Variants in SCP2 observed in about 807,000 individuals in gnomAD.
SCP2 encodes the protein sterol carrier protein 2, also known as SCP-2/3-oxoacyl-CoA thiolase.
In SCP2, 48 loss-of-function variants were observed where a neutral mutation model predicts 71.4. That is an observed-to-expected ratio of 0.67 (90% CI 0.53 to 0.86). The LOEUF is 0.86. SCP2 is among the 40% of genes least tolerant of loss of function. The probability of loss-of-function intolerance (pLI) is 0.00; values close to 1 mark genes in which losing one functional copy is unlikely to be tolerated. For missense variants in SCP2, 560 were observed against 655.6 expected, an observed-to-expected ratio of 0.85 and a Z score of 1.59; for synonymous variants, 220 against 218.1, an observed-to-expected ratio of 1.01 and a Z score of -0.08.
intron 14 of SCP2, among the ~76,000 whole-genome samples, 198 bp downstream of exon 14, chr1:53,039,244 T>C (rs1296520169): frequency 6.6e-6 from 1 of 152,204 alleles, no homozygotes; most frequent in Non-Finnish European, 1.5e-5. Context: ...GAGTTGCCAA[T>C]CTTAGGCTTT....
chr1:53,007,987 A>C (rs1660738558), intron 11 of SCP2, among the ~76,000 whole-genome samples: 1 of 152,206 alleles, frequency 6.6e-6, no homozygotes, highest in African/African-American at 2.4e-5. Context: ...ACCATCAGAT[A>C]ATACTATAAA....
chr1:53,028,161 T>G, intron 13 of SCP2, 90 bp downstream of exon 13: 1 of 721,010 alleles, frequency 1.4e-6, no homozygotes, highest in Non-Finnish European at 2.5e-6. Context: ...GTGGTACAAT[T>G]GAAAATTTAT....
At position 52,976,725 on chromosome 1, in the gene SCP2, G is replaced by A. The variant is rs749437401; in HGVS notation, c.630G>A (p.Met210Ile). 4 of 1,567,174 alleles carry A rather than the reference G, an allele frequency of 2.6e-6. No homozygotes were observed. The South Asian group carries it at 3.3e-5, about 13-fold the overall frequency. ...ATGAATACAGTTTAGATGAAGTGAT[G>A]GCATCTAAAGAAGTTTTTGATTTTT... ...FQDEYSLDEV[M>I]ASKEVFDFLT... Residue 210 changes from methionine (M) to isoleucine (I), a missense_variant, in exon 8 of 16, where the codon ATG becomes ATA. This residue lies in a region of SCP2 where 513 missense variants were observed against 573.1 expected (regional missense o/e 0.90). Transcript: ENST00000371514.
At chr1:52,939,618 G>C (rs963725213) in intron 1 of SCP2, among the ~76,000 whole-genome samples, 7 of 152,112 alleles carry the variant, frequency 4.6e-5, no homozygotes, top group Admixed American at 4.6e-4. Context: ...AACTCCTTTG[G>C]GTAAATGCCA....
intron 6 of SCP2, among the ~76,000 whole-genome samples, chr1:52,970,461 C>T (rs1369907999): frequency 6.6e-6 from 1 of 152,178 alleles, no homozygotes; most frequent in African/African-American, 2.4e-5. Context: ...TGTCCTCTTA[C>T]ATACAAATGT....
At chr1:52,971,544 C>T (rs1657494150) in intron 6 of SCP2, among the ~76,000 whole-genome samples, 1 of 152,182 alleles carries the variant, frequency 6.6e-6, no homozygotes. Flanking sequence ...ATTTATTTAA[C>T]GTGTGTACAC....
At chr1:52,976,072 G>A (rs1278036864) in intron 7 of SCP2, among the ~76,000 whole-genome samples, 1 of 152,130 alleles carries the variant, frequency 6.6e-6, no homozygotes, top group Non-Finnish European at 1.5e-5. Context: ...AAATGAAGAG[G>A]CATATAGAGT....
At chr1:52,980,924 A>AT (rs1195049754) in intron 10 of SCP2, among the ~76,000 whole-genome samples, 5 of 151,492 alleles carry the variant, frequency 3.3e-5, no homozygotes, top group Non-Finnish European at 5.9e-5. Flanking sequence ...GTAAGCAATA[A>AT]TTTTTTTTTG....
intron 1 of SCP2, among the ~76,000 whole-genome samples, chr1:52,930,454 T>G (rs979000603): frequency 1.3e-5 from 2 of 152,038 alleles, no homozygotes. Flanking sequence ...GCAAAACCCC[T>G]TCTCTACTAA....
chr1:52,970,917 T>G (rs1011524027), intron 6 of SCP2, among the ~76,000 whole-genome samples: 3 of 151,666 alleles, frequency 2.0e-5, no homozygotes, highest in Non-Finnish European at 2.9e-5. Context: ...TGTGCTATTT[T>G]ATTTTTTCTG....
At chr1:52,999,812 C>CTTTTTTTT (rs1557598899) in intron 11 of SCP2, among the ~76,000 whole-genome samples, 1 of 119,962 alleles carries the variant, frequency 8.3e-6, no homozygotes, top group Non-Finnish European at 1.6e-5. Flanking sequence ...TTACTGAACA[C>CTTTTTTTT]TTGTTTTTTT....
At chr1:53,037,902 A>ACACACACACACCCC (rs1553155251) in intron 13 of SCP2, among the ~76,000 whole-genome samples, 2 of 108,422 alleles carry the variant, frequency 1.8e-5, no homozygotes, top group African/African-American at 9.3e-5. Flanking sequence ...ACACACACAC[A>ACACACACACACCCC]CACACACACA....
At chr1:53,050,079 G>A (rs1664107983) in intron 15 of SCP2, 2 of 154,224 alleles carry the variant, frequency 1.3e-5, no homozygotes, top group Non-Finnish European at 1.4e-5. Context: ...TTGTGGCTCT[G>A]CACTTCAGAT....
At chr1:52,999,423 A>G (rs1660157945) in intron 11 of SCP2, among the ~76,000 whole-genome samples, 1 of 152,218 alleles carries the variant, frequency 6.6e-6, no homozygotes, top group South Asian at 2.1e-4. Context: ...TCTCTTCTGT[A>G]AATGGTGTTA....
At chr1:52,970,772 T>A (rs1350749460) in intron 6 of SCP2, among the ~76,000 whole-genome samples, 2 of 152,040 alleles carry the variant, frequency 1.3e-5, no homozygotes, top group Non-Finnish European at 2.9e-5. Context: ...CTTAAAGGTT[T>A]GTGTAGAAAC....
rs1047302295 is a variant in SCP2, at chr1:53,050,979, T to A, written c.*275T>A. The A allele has an allele frequency of 7.3e-6, 2 of 275,272 alleles. No individual in the cohort carries two copies. Among genetic ancestry groups the A allele is most frequent in the African/African-American group, 4.5e-5 (2 of 44,864 alleles). The allele number at this position is 275,272 out of a possible 1,614,324, so 17.1% of individuals were successfully genotyped here. A position where few individuals can be genotyped will look rare whatever the true frequency, so the allele number is the denominator to read the frequency against. ...GTAAAATTGAGTTTCAGAATAAAAT[T>A]AGGAACAGTAAAATCCAAAGAACTA... is the stretch of plus-strand genomic sequence containing the variant. On this transcript the variant is annotated 3_prime_UTR_variant, in exon 16 of 16. Transcript: ENST00000371514.
At chr1:52,993,202 A>G (rs1208271520) in intron 11 of SCP2, 5 of 1,613,960 alleles carry the variant, frequency 3.1e-6, no homozygotes, top group Non-Finnish European at 4.2e-6. Context: ...GATTCTAGAA[A>G]ATGACACAAT....
chr1:52,980,132 C>A (rs1658353719), intron 9 of SCP2, among the ~76,000 whole-genome samples: 1 of 152,028 alleles, frequency 6.6e-6, no homozygotes, highest in Non-Finnish European at 1.5e-5. Flanking sequence ...TACTACCACG[C>A]CAGGCTAATT....
At chr1:52,960,466 T>C (rs1466069097) in intron 5 of SCP2, among the ~76,000 whole-genome samples, 2 of 144,710 alleles carry the variant, frequency 1.4e-5, no homozygotes, top group East Asian at 4.1e-4. Context: ...CCACCATGCC[T>C]GGCTACTATG....
Sources: gnomAD v4.1 joint callset for allele counts (sites outside exome capture counted in the v4.1 genomes callset) on GRCh38, gnomAD v4.1.1 for gene constraint, gnomAD v4.1.1 regional missense constraint, MANE v1.5 for transcripts, NCBI Gene and HGNC (gene_info 2026-07-23, HGNC 2026-07-21) for gene names.